Variants in SLC8A1 observed in about 807,000 individuals in gnomAD.
SLC8A1 encodes solute carrier family 8 member A1.
In SLC8A1, 18 loss-of-function variants were observed where a neutral mutation model predicts 68.3. That is an observed-to-expected ratio of 0.26 (90% CI 0.18 to 0.39). The LOEUF (loss-of-function observed/expected upper bound fraction) is 0.39. SLC8A1 is among the 10% of genes least tolerant of loss of function. SLC8A1 has a pLI of 1.00. For missense variants in SLC8A1, 985 were observed against 1,156.7 expected (o/e 0.85, Z 2.15); for synonymous variants, 475 against 415.5 (o/e 1.14, Z -1.74).
chr2:40,207,116 G>C (rs189382226), intron 2 of SLC8A1, among the ~76,000 whole-genome samples: 66 of 152,124 alleles, frequency 4.3e-4, no homozygotes, highest in African/African-American at 1.6e-3. Context: ...AGAAAGCATT[G>C]TGTCATGGTT....
At chr2:40,455,262 CA>C (rs1290519671), upstream of SLC8A1, among the ~76,000 whole-genome samples, 1 of 152,154 alleles carries the variant, frequency 6.6e-6, no homozygotes, top group Non-Finnish European at 1.5e-5. Context: ...GACATGTGAT[CA>C]GGTTACCAAG....
intron 2 of SLC8A1, among the ~76,000 whole-genome samples, chr2:40,362,198 A>G (rs1674830337): frequency 6.6e-6 from 1 of 151,946 alleles, no homozygotes; most frequent in South Asian, 2.1e-4. Flanking sequence ...CCTGGCCTAC[A>G]TCTTCTTATA....
intron 2 of SLC8A1, among the ~76,000 whole-genome samples, chr2:40,379,682 G>A (rs750145226): frequency 1.0e-4 from 15 of 150,370 alleles, no homozygotes; most frequent in East Asian, 2.0e-4. Context: ...TCTGTTTACC[G>A]CATCACCATC....
chr2:40,351,722 G>C (rs561115300), intron 2 of SLC8A1, among the ~76,000 whole-genome samples: 9 of 152,250 alleles, frequency 5.9e-5, no homozygotes, highest in African/African-American at 2.2e-4. Flanking sequence ...AGTGATAGGG[G>C]AAAGAGCTTT....
rs565157817 is a variant in SLC8A1, at chr2:40,317,348, T to C, written c.1808+111125A>G. Among the ~76,000 whole-genome samples the C allele has an allele frequency of 3.9e-5, 6 of 152,208 alleles. No individual in the cohort carries two copies. In the East Asian group the frequency reaches 1.2e-3, roughly 29 times the overall value. On this transcript the variant is annotated intron_variant, in intron 2 of 7. Coordinates refer to ENST00000406785, the Ensembl canonical transcript of SLC8A1. ...AATCATATTGGTTTTATGAATCATA[T>C]TTTTCTGAATTAGGGAAAATAGTTG... is the stretch of plus-strand genomic sequence containing the variant.
chr2:40,243,395 G>A (rs1329580007), intron 2 of SLC8A1, among the ~76,000 whole-genome samples: 1 of 152,042 alleles, frequency 6.6e-6, no homozygotes, highest in East Asian at 1.9e-4. Context: ...GAGATGGGAG[G>A]ATCACTTGAG....
intron 1 of SLC8A1, among the ~76,000 whole-genome samples, chr2:40,496,177 C>T (rs1366893788): frequency 6.6e-6 from 1 of 152,056 alleles, no homozygotes; most frequent in Non-Finnish European, 1.5e-5. Flanking sequence ...GCATATGACT[C>T]TGGTACCTTT....
At chr2:40,508,352 T>TAA (rs71406076) in intron 1 of SLC8A1, among the ~76,000 whole-genome samples, 12 of 143,602 alleles carry the variant, frequency 8.4e-5, no homozygotes, top group Admixed American at 1.4e-4. Flanking sequence ...AAGGTAAAAG[T>TAA]AAAAAAAAAA....
At chr2:40,430,031 C>T in exon 2 of SLC8A1, 1 of 1,613,786 alleles carries the variant, frequency 6.2e-7, no homozygotes, top group Non-Finnish European at 8.5e-7. Flanking sequence ...TAGACCATGG[C>T]CACAAAATAC....
At chr2:40,334,588 G>C (rs1665330369) in intron 2 of SLC8A1, among the ~76,000 whole-genome samples, 1 of 152,106 alleles carries the variant, frequency 6.6e-6, no homozygotes, top group Non-Finnish European at 1.5e-5. Context: ...AGGAAGAAGG[G>C]TATGTCCTGC....
At chr2:40,259,574 G>A (rs1443429114) in intron 2 of SLC8A1, among the ~76,000 whole-genome samples, 1 of 152,012 alleles carries the variant, frequency 6.6e-6, no homozygotes, top group Non-Finnish European at 1.5e-5. Context: ...TGAGCTCTTG[G>A]GCTCGAATAA....
intron 2 of SLC8A1, among the ~76,000 whole-genome samples, chr2:40,379,777 T>A (rs932282130): frequency 1.3e-5 from 2 of 152,034 alleles, no homozygotes; most frequent in Admixed American, 1.3e-4. Context: ...CACATTTTCC[T>A]TGGGGCAGCA....
At chr2:40,212,030 A>G (rs758579404) in intron 2 of SLC8A1, among the ~76,000 whole-genome samples, 1 of 152,322 alleles carries the variant, frequency 6.6e-6, no homozygotes. Context: ...AAACATTTTC[A>G]ATTGTTCATA....
intron 2 of SLC8A1, among the ~76,000 whole-genome samples, chr2:40,212,750 T>C (rs184046097): frequency 6.6e-6 from 1 of 152,362 alleles, no homozygotes; most frequent in African/African-American, 2.4e-5. Context: ...CTCTTTTCTC[T>C]TTCTGCATCA....
intron 2 of SLC8A1, among the ~76,000 whole-genome samples, chr2:40,393,012 T>C (rs1213007236): frequency 6.6e-6 from 1 of 152,086 alleles, no homozygotes; most frequent in African/African-American, 2.4e-5. Flanking sequence ...AGGAGAAATG[T>C]TGTCAAATCA....
At chr2:40,445,311 A>C (rs1701242567) in intron 1 of SLC8A1, among the ~76,000 whole-genome samples, 1 of 152,224 alleles carries the variant, frequency 6.6e-6, no homozygotes, top group East Asian at 1.9e-4. Context: ...AGGTTGGTTC[A>C]TTTTGTTAGT....
chr2:40,275,645 G>A (rs1197491572), intron 2 of SLC8A1, among the ~76,000 whole-genome samples: 1 of 152,182 alleles, frequency 6.6e-6, no homozygotes, highest in Non-Finnish European at 1.5e-5. Context: ...TCTGTAGTCT[G>A]AGTTTCCCTG....
intron 2 of SLC8A1, among the ~76,000 whole-genome samples, chr2:40,418,012 AC>A (rs1694387631): frequency 1.3e-5 from 2 of 152,172 alleles, no homozygotes; most frequent in South Asian, 4.1e-4. Context: ...AGAATTAATA[AC>A]CAAATAATCA....
chr2:40,317,499 CATTG>C (rs981477217), intron 2 of SLC8A1, among the ~76,000 whole-genome samples: 14 of 152,158 alleles, frequency 9.2e-5, no homozygotes, highest in African/African-American at 3.4e-4. Context: ...TCTACACAAA[CATTG>C]ATTAATTATA....
Sources: allele counts gnomAD v4.1 joint callset (sites outside exome capture counted in the v4.1 genomes callset), GRCh38; gene constraint gnomAD v4.1.1; transcripts MANE v1.5; gene names NCBI Gene and HGNC (gene_info 2026-07-23, HGNC 2026-07-21).